OXR1: variants seen among roughly 807,000 people sequenced by gnomAD.
OXR1 encodes the protein oxidation resistance 1.
Under a neutral mutation model 104.6 loss-of-function variants are expected in OXR1, and 41 were observed. That is an observed-to-expected ratio of 0.39 (90% CI 0.31 to 0.51). OXR1 has a LOEUF of 0.51. Ranked by LOEUF, OXR1 falls within the 20% of genes least tolerant of loss-of-function variation. OXR1 has a pLI of 0.77. For missense variants in OXR1, 955 were observed against 1,031.9 expected (o/e 0.93, Z 1.02); for synonymous variants, 348 against 348.4 (o/e 1.00, Z 0.01).
chr8:106,419,073 A>G (rs1818796661), intron 2 of OXR1, among the ~76,000 whole-genome samples: 1 of 152,176 alleles, frequency 6.6e-6, no homozygotes, highest in South Asian at 2.1e-4. Context: ...TGATGGCATC[A>G]CTGACTCCAT....
chr8:106,677,493 A>G (rs966987746), intron 3 of OXR1, among the ~76,000 whole-genome samples: 1 of 152,094 alleles, frequency 6.6e-6, no homozygotes, highest in Non-Finnish European at 1.5e-5. Flanking sequence ...CCTACTGTCA[A>G]ACAGTATGTG....
chr8:106,749,067 G>T (rs1835653890), intron 16 of OXR1, among the ~76,000 whole-genome samples: 1 of 151,878 alleles, frequency 6.6e-6, no homozygotes, highest in Admixed American at 6.6e-5. Flanking sequence ...TCCAGGCCAG[G>T]CACGGTGGCT....
At chr8:106,396,279 T>C (rs1382714443) in intron 2 of OXR1, among the ~76,000 whole-genome samples, 1 of 151,738 alleles carries the variant, frequency 6.6e-6, no homozygotes. Flanking sequence ...GGAGAAAGAG[T>C]AACTTTACAG....
chr8:106,440,531 T>A (rs1439287478), intron 2 of OXR1, among the ~76,000 whole-genome samples: 1 of 152,144 alleles, frequency 6.6e-6, no homozygotes, highest in Non-Finnish European at 1.5e-5. Context: ...GGTGATAGAA[T>A]AATTTCCAAC....
At chr8:106,718,683 CA>C (rs919391153) in intron 11 of OXR1, among the ~76,000 whole-genome samples, 1 of 151,486 alleles carries the variant, frequency 6.6e-6, no homozygotes, top group Non-Finnish European at 1.5e-5. Flanking sequence ...ACTAAAAATA[CA>C]AAAAATTAGC....
At chr8:106,418,396 C>T (rs1003933306) in intron 2 of OXR1, among the ~76,000 whole-genome samples, 1 of 152,034 alleles carries the variant, frequency 6.6e-6, no homozygotes, top group South Asian at 2.1e-4. Flanking sequence ...AGCAAAAATT[C>T]AAATGTTACA....
At chr8:106,329,178 G>A (rs1814605934) in intron 1 of OXR1, among the ~76,000 whole-genome samples, 1 of 151,144 alleles carries the variant, frequency 6.6e-6, no homozygotes, top group African/African-American at 2.4e-5. Context: ...TTTTAGTAAA[G>A]ACGGGGTTTC....
At chr8:106,693,968 C>G (rs368025501) in intron 7 of OXR1, among the ~76,000 whole-genome samples, 32 of 151,818 alleles carry the variant, frequency 2.1e-4, no homozygotes, top group African/African-American at 6.3e-4. Flanking sequence ...TGCATTTTGC[C>G]CTAAATATTG....
intron 2 of OXR1, among the ~76,000 whole-genome samples, chr8:106,404,713 A>ATT (rs59495540): frequency 6.1e-5 from 9 of 147,990 alleles, no homozygotes; most frequent in East Asian, 2.0e-4. Context: ...CTCCTTGCTT[A>ATT]TTTTTTTTTT....
At chr8:106,694,848 TTA>T (rs1397090494) in intron 7 of OXR1, among the ~76,000 whole-genome samples, 4 of 129,114 alleles carry the variant, frequency 3.1e-5, no homozygotes, top group South Asian at 2.2e-4. Flanking sequence ...ATATATATAT[TTA>T]ATATATAAAT....
At chr8:106,356,033 G>A (rs1815953741) in intron 1 of OXR1, among the ~76,000 whole-genome samples, 1 of 152,170 alleles carries the variant, frequency 6.6e-6, no homozygotes, top group Non-Finnish European at 1.5e-5. Flanking sequence ...GTGTTTTTAA[G>A]TGCTGGATTG....
intron 3 of OXR1, chr8:106,580,937 T>A (rs1293376054): frequency 3.0e-6 from 3 of 984,908 alleles, no homozygotes; most frequent in Non-Finnish European, 3.6e-6. Context: ...AATGAATGAC[T>A]TGCTCTTTTG....
chr8:106,657,918 A>G (rs1410889539), intron 3 of OXR1: 10 of 1,246,204 alleles, frequency 8.0e-6, no homozygotes, highest in African/African-American at 1.6e-5. Context: ...TGGGCGCGCT[A>G]GTGGTGGCCG....
At chr8:106,464,278 G>A (rs7813707) in intron 2 of OXR1, among the ~76,000 whole-genome samples, 1,703 of 150,974 alleles carry the variant, frequency 0.011, 30 homozygotes, top group African/African-American at 0.039. Context: ...TCTTGTGATG[G>A]AGATATTTTT....
intron 12 of OXR1, among the ~76,000 whole-genome samples, 169 bp from the exon 13 acceptor site, chr8:106,739,289 C>G (rs139767539): frequency 6.6e-6 from 1 of 152,214 alleles, no homozygotes; most frequent in Non-Finnish European, 1.5e-5. Flanking sequence ...CCTACATTGG[C>G]TACATCATAG....
chr8:106,475,981 G>T (rs776445160), intron 2 of OXR1, among the ~76,000 whole-genome samples: 6 of 146,006 alleles, frequency 4.1e-5, no homozygotes, highest in Non-Finnish European at 8.8e-5. Context: ...TCTGAACACA[G>T]TTTAATCCAG....
intron 2 of OXR1, among the ~76,000 whole-genome samples, chr8:106,416,530 G>A (rs935730265): frequency 6.6e-6 from 1 of 151,808 alleles, no homozygotes; most frequent in African/African-American, 2.4e-5. Context: ...TAATATATAT[G>A]TATACATATA....
intron 2 of OXR1, among the ~76,000 whole-genome samples, chr8:106,398,254 TA>T (rs767025536): frequency 6.6e-6 from 1 of 152,176 alleles, no homozygotes; most frequent in Admixed American, 6.6e-5. Context: ...CCTTTATTCT[TA>T]AACTTAGCTG....
intron 3 of OXR1, among the ~76,000 whole-genome samples, chr8:106,582,177 C>CATATATATATATATATATATATATATAT (rs71562108): frequency 4.2e-5 from 5 of 119,342 alleles, no homozygotes; most frequent in African/African-American, 1.5e-4. Context: ...TTTCTATTGA[C>CATATATATATATATATATATATATATAT]ATATATATAT....
Sources: gnomAD v4.1 joint callset for allele counts (sites outside exome capture counted in the v4.1 genomes callset) on GRCh38, gnomAD v4.1.1 for gene constraint, MANE v1.5 for transcripts, NCBI Gene and HGNC (gene_info 2026-07-23, HGNC 2026-07-21) for gene names.